The following NRXN3 variants were observed in gnomAD, a reference collection of about 807,000 sequenced individuals.
The protein encoded by NRXN3 is neurexin III.
A neutral mutation model predicts 137.6 loss-of-function variants in NRXN3; 32 were observed. The observed-to-expected ratio is 0.23, with a 90% CI of 0.18 to 0.31. The LOEUF (loss-of-function observed/expected upper bound fraction) is 0.31. Among genes scored for constraint, NRXN3 ranks in the 10% least tolerant of loss-of-function variants. NRXN3 has a pLI of 1.00. For synonymous variants in NRXN3, 798 were observed against 784.5 expected, an observed-to-expected ratio of 1.02 and a Z score of -0.29; for missense variants, 1,574 against 2,062.5, an observed-to-expected ratio of 0.76 and a Z score of 4.59.
chr14:79,555,289 A>G (rs1267132935), intron 16 of NRXN3, among the ~76,000 whole-genome samples: 4 of 152,172 alleles, frequency 2.6e-5, no homozygotes. Flanking sequence ...GAAGGGTAAG[A>G]CTATAGTATG....
intron 1 of NRXN3, among the ~76,000 whole-genome samples, chr14:78,199,088 T>C (rs1301007699): frequency 6.6e-6 from 1 of 152,216 alleles, no homozygotes; most frequent in Non-Finnish European, 1.5e-5. Flanking sequence ...AGCTGCATTG[T>C]GGCTTAAAAT....
At chr14:78,202,467 G>T (rs934603253) in intron 1 of NRXN3, among the ~76,000 whole-genome samples, 4 of 152,182 alleles carry the variant, frequency 2.6e-5, no homozygotes, top group Admixed American at 1.3e-4. Context: ...GCTGCCGGGG[G>T]CCTTCCCTGA....
At chr14:79,753,235 A>T (rs900449454) in intron 19 of NRXN3, among the ~76,000 whole-genome samples, 2 of 151,986 alleles carry the variant, frequency 1.3e-5, no homozygotes, top group African/African-American at 4.8e-5. Flanking sequence ...TACCCAAAGG[A>T]CTATAAATCA....
chr14:79,331,956 T>A (rs1440211424), intron 15 of NRXN3, among the ~76,000 whole-genome samples: 1 of 152,168 alleles, frequency 6.6e-6, no homozygotes, highest in African/African-American at 2.4e-5. Flanking sequence ...TTTTACTTTA[T>A]TACATTCCCA....
intron 15 of NRXN3, among the ~76,000 whole-genome samples, chr14:79,099,943 C>T (rs2050970579): frequency 6.6e-6 from 1 of 152,098 alleles, no homozygotes; most frequent in Admixed American, 6.5e-5. Flanking sequence ...TGATGGAAGT[C>T]TGAAAAACAG....
chr14:79,466,360 G>A (rs1353324437), intron 15 of NRXN3, among the ~76,000 whole-genome samples: 1 of 152,188 alleles, frequency 6.6e-6, no homozygotes, highest in Non-Finnish European at 1.5e-5. Flanking sequence ...GGCCAAGGCA[G>A]TCAGATCACA....
chr14:79,592,190 T>C (rs529708222), intron 16 of NRXN3, among the ~76,000 whole-genome samples: 4 of 152,330 alleles, frequency 2.6e-5, no homozygotes, highest in African/African-American at 9.6e-5. Context: ...ATCCTTTTCT[T>C]GTCTGGCTTC....
At chr14:78,778,218 A>G (rs970602127) in intron 8 of NRXN3, among the ~76,000 whole-genome samples, 1 of 152,240 alleles carries the variant, frequency 6.6e-6, no homozygotes, top group Non-Finnish European at 1.5e-5. Flanking sequence ...AATTTGTTGT[A>G]CTTTATATTT....
chr14:78,882,842 G>C (rs888341568), intron 10 of NRXN3, among the ~76,000 whole-genome samples: 1 of 151,450 alleles, frequency 6.6e-6, no homozygotes, highest in Non-Finnish European at 1.5e-5. Context: ...GAATAATATG[G>C]TTTGGCTATG....
At chr14:79,409,596 AGTGT>A (rs34072420) in intron 15 of NRXN3, among the ~76,000 whole-genome samples, 1 of 128,950 alleles carries the variant, frequency 7.8e-6, no homozygotes, top group Non-Finnish European at 1.6e-5. Context: ...TGTCTTAGCA[AGTGT>A]GTGTGTGTGT....
At chr14:79,008,561 C>T (rs1305646285) in intron 15 of NRXN3, among the ~76,000 whole-genome samples, 1 of 142,224 alleles carries the variant, frequency 7.0e-6, no homozygotes, top group Non-Finnish European at 1.6e-5. Context: ...CTACTCTCTC[C>T]CTGCAAAAAA....
intron 17 of NRXN3, 116 bp downstream of exon 17, chr14:79,664,065 T>A: frequency 9.5e-7 from 1 of 1,050,820 alleles, no homozygotes; most frequent in Admixed American, 2.3e-5. Flanking sequence ...AAGTACACAT[T>A]CATGATTTTT....
chr14:78,683,860 C>A (rs1027091949), intron 6 of NRXN3, among the ~76,000 whole-genome samples: 1 of 152,040 alleles, frequency 6.6e-6, no homozygotes, highest in African/African-American at 2.4e-5. Context: ...GTTAAAATTT[C>A]CAAATTTTCT....
At chr14:79,249,365 C>G (rs1233473920) in intron 15 of NRXN3, among the ~76,000 whole-genome samples, 1 of 151,870 alleles carries the variant, frequency 6.6e-6, no homozygotes, top group Non-Finnish European at 1.5e-5. Context: ...AATCAGGGTC[C>G]CAAAGGAAAG....
At chr14:79,117,671 C>T (rs1189549088) in intron 15 of NRXN3, among the ~76,000 whole-genome samples, 1 of 151,456 alleles carries the variant, frequency 6.6e-6, no homozygotes, top group Non-Finnish European at 1.5e-5. Context: ...TAGTAGCAAA[C>T]AAGAAAAAGA....
At chr14:79,406,190 T>C (rs530646472) in intron 15 of NRXN3, among the ~76,000 whole-genome samples, 2 of 152,044 alleles carry the variant, frequency 1.3e-5, no homozygotes, top group Non-Finnish European at 2.9e-5. Context: ...AAGCCCTACA[T>C]TCCCACAGCT....
In NRXN3 at chr14:78,225,982, TG is replaced by T. The variant is rs1567013706; in HGVS notation, c.-703-16408del. Among the ~76,000 whole-genome samples the T allele has an allele frequency of 6.7e-3, 912 of 136,372 alleles. 11 individuals carry two copies. Among genetic ancestry groups the T allele is most frequent in the African/African-American group, 0.026 (854 of 32,564 alleles). 89.5% of individuals were successfully genotyped at this position (136,372 alleles called of 152,430 possible). On this transcript the variant is annotated intron_variant, in intron 1 of 20. Transcript: ENST00000335750. ...GTGTGTGTGTGTGTGTTGGTGTGTG[TG>T]TGTGTGTGTGTGTGTGTGTGTGTGT...
In NRXN3 at chr14:79,242,687, G is replaced by A. The variant is rs375726995; in HGVS notation, c.3263-224534G>A. Among the ~76,000 whole-genome samples, 10 of 152,216 alleles carry A rather than the reference G, an allele frequency of 6.6e-5. No homozygotes were observed. The East Asian group carries it at 1.4e-3, about 21-fold the overall frequency. ...TTTCCTCTCTGGGTCTTCTGATAAG[G>A]TCATTAGGAAGTGTGAGGCAGACAA... On this transcript the variant is annotated intron_variant, in intron 15 of 20. Transcript: ENST00000335750.
At chr14:78,990,221 T>C (rs1422307165) in intron 15 of NRXN3, among the ~76,000 whole-genome samples, 2 of 152,300 alleles carry the variant, frequency 1.3e-5, no homozygotes, top group Middle Eastern at 3.4e-3. Flanking sequence ...ACAATGCAGC[T>C]AAATCTTTTC....
Sources: allele counts gnomAD v4.1 joint callset (sites outside exome capture counted in the v4.1 genomes callset), GRCh38; gene constraint gnomAD v4.1.1; transcripts MANE v1.5; gene names NCBI Gene and HGNC (gene_info 2026-07-23, HGNC 2026-07-21).